Variants in LRRC37A2 observed in about 807,000 individuals in gnomAD.
LRRC37A2 encodes the protein leucine-rich repeat-containing protein 37A2.
Under a neutral mutation model 68.8 loss-of-function variants are expected in LRRC37A2, and 9 were observed. The observed-to-expected ratio is 0.13, with a 90% confidence interval of 0.08 to 0.23. The LOEUF is 0.23. LRRC37A2 is among the 10% of genes least tolerant of loss of function. LRRC37A2 has a pLI of 1.00. For synonymous variants in LRRC37A2, 63 were observed against 367.6 expected (o/e 0.17, Z 9.48); for missense variants, 168 against 950.4 (o/e 0.18, Z 10.82).
chr17:46,921,735 C>T, the LRRC37A2 span, among the ~76,000 whole-genome samples: 3 of 152,178 alleles, frequency 2.0e-5, no homozygotes, highest in African/African-American at 7.2e-5. Context: ...TGAAAAAATG[C>T]TCATCATCAC....
the LRRC37A2 span, among the ~76,000 whole-genome samples, chr17:46,800,179 C>T: frequency 2.4e-4 from 37 of 152,208 alleles, no homozygotes; most frequent in East Asian, 6.0e-3. Flanking sequence ...GGCGCGATCT[C>T]GGCTCACTGC....
the LRRC37A2 span, among the ~76,000 whole-genome samples, chr17:46,865,752 C>T: frequency 7.9e-5 from 12 of 152,188 alleles, no homozygotes; most frequent in East Asian, 7.7e-4. Context: ...ACCACAGGCA[C>T]GTGCCACCAT....
At chr17:46,939,662 G>C in the LRRC37A2 span, 1 of 985,582 alleles carries the variant, frequency 1.0e-6, no homozygotes, top group Non-Finnish European at 1.2e-6. Flanking sequence ...AAATATATTA[G>C]CACCTGCCAG....
chr17:46,899,645 A>T, the LRRC37A2 span, among the ~76,000 whole-genome samples: 2 of 152,122 alleles, frequency 1.3e-5, no homozygotes, highest in Non-Finnish European at 2.9e-5. Flanking sequence ...GCTAGTAGGT[A>T]TGGGTTTTGG....
chr17:46,605,715 T>TA, the LRRC37A2 span, among the ~76,000 whole-genome samples: 1,290 of 35,890 alleles, frequency 0.036, 3 homozygotes, highest in African/African-American at 0.11. Flanking sequence ...TCCTGAAGGC[T>TA]AAAAAAAAAA....
the LRRC37A2 span, among the ~76,000 whole-genome samples, chr17:46,890,918 C>T: frequency 3.9e-5 from 6 of 152,220 alleles, no homozygotes; most frequent in African/African-American, 1.4e-4. Context: ...TTGCCCGCCT[C>T]ATCCTATTTA....
At chr17:46,951,896 C>CG in the LRRC37A2 span, among the ~76,000 whole-genome samples, 1 of 152,134 alleles carries the variant, frequency 6.6e-6, no homozygotes, top group East Asian at 1.9e-4. Context: ...CTTCTCCCCC[C>CG]CAGACATCAC....
the LRRC37A2 span, among the ~76,000 whole-genome samples, chr17:46,905,780 T>TTGTGTGTG: frequency 5.4e-3 from 628 of 117,030 alleles, 3 homozygotes; most frequent in African/African-American, 7.4e-3. Context: ...CTCTGTGTGT[T>TTGTGTGTG]TGTGTGTGTG....
At chr17:46,543,664 T>C (rs1202598828) in intron 8 of LRRC37A2, among the ~76,000 whole-genome samples, 1 of 150,894 alleles carries the variant, frequency 6.6e-6, no homozygotes, top group African/African-American at 2.5e-5. Flanking sequence ...AGAAAATGTA[T>C]AGACATACAC....
At chr17:46,884,802 C>T in the LRRC37A2 span, among the ~76,000 whole-genome samples, 8 of 152,100 alleles carry the variant, frequency 5.3e-5, no homozygotes, top group African/African-American at 1.4e-4. Context: ...CCAGTGAAGG[C>T]GACAGCTGGA....
the LRRC37A2 span, among the ~76,000 whole-genome samples, chr17:46,745,205 GAATCCCATGC>G: frequency 6.6e-6 from 1 of 152,176 alleles, no homozygotes; most frequent in Non-Finnish European, 1.5e-5. Context: ...CCCTTCAGAC[GAATCCCATGC>G]AATGTATCAC....
At chr17:46,819,000 A>G in the LRRC37A2 span, among the ~76,000 whole-genome samples, 1 of 152,122 alleles carries the variant, frequency 6.6e-6, no homozygotes, top group East Asian at 1.9e-4. Flanking sequence ...GGCCAGGGTT[A>G]GGGCGCGGGG....
At chr17:46,959,851 A>T in the LRRC37A2 span, among the ~76,000 whole-genome samples, 3 of 152,136 alleles carry the variant, frequency 2.0e-5, no homozygotes, top group Non-Finnish European at 4.4e-5. Context: ...ACTGGAGCTG[A>T]CTTTCTTCCC....
chr17:46,505,456 ATTTG>A, the LRRC37A2 span, among the ~76,000 whole-genome samples: 1 of 99,082 alleles, frequency 1.0e-5, no homozygotes. Flanking sequence ...TTATCTAAAG[ATTTG>A]TTTATCTATT....
the LRRC37A2 span, chr17:46,923,420 C>T: frequency 3.0e-5 from 43 of 1,436,622 alleles, 1 homozygote; most frequent in South Asian, 6.3e-4. Context: ...AGGCTGGGGC[C>T]TGGAGACGTG....
chr17:46,777,424 G>A, the LRRC37A2 span, among the ~76,000 whole-genome samples: 2 of 152,318 alleles, frequency 1.3e-5, no homozygotes, highest in East Asian at 3.9e-4. Context: ...TCCCAGGTGG[G>A]TCTTCGCAGC....
At chr17:46,752,120 C>T in the LRRC37A2 span, among the ~76,000 whole-genome samples, 1 of 152,168 alleles carries the variant, frequency 6.6e-6, no homozygotes, top group Non-Finnish European at 1.5e-5. Flanking sequence ...TATATTTGTC[C>T]CTGGCTGGGC....
At chr17:46,382,308 G>T in the LRRC37A2 span, among the ~76,000 whole-genome samples, 1 of 84,136 alleles carries the variant, frequency 1.2e-5, no homozygotes, top group East Asian at 2.5e-4. Context: ...GAACATTACA[G>T]ATCCAATTGA....
chr17:46,961,907 G>T, the LRRC37A2 span, among the ~76,000 whole-genome samples: 2 of 152,204 alleles, frequency 1.3e-5, no homozygotes, highest in Non-Finnish European at 2.9e-5. Flanking sequence ...GGGGATTATA[G>T]TTAGGGGCTG....
Sources: allele counts gnomAD v4.1 joint callset (sites outside exome capture counted in the v4.1 genomes callset), GRCh38; gene constraint gnomAD v4.1.1; transcripts MANE v1.5; gene names NCBI Gene and HGNC (gene_info 2026-07-23, HGNC 2026-07-21).